Variants in LMTK2 observed in about 807,000 individuals in gnomAD.
The protein encoded by LMTK2 is lemur tail kinase 2, also known as serine/threonine-protein kinase LMTK2.
Under a neutral mutation model 127.5 loss-of-function variants are expected in LMTK2, and 37 were observed. The ratio of observed to expected loss-of-function variants is 0.29; its 90% CI spans 0.22 to 0.38. LMTK2 has a LOEUF of 0.38. Ranked by LOEUF, LMTK2 falls within the 10% of genes least tolerant of loss-of-function variation. The pLI is 1.00. For missense variants in LMTK2, 1,694 were observed against 1,920.3 expected, an observed-to-expected ratio of 0.88 and a Z score of 2.20; for synonymous variants, 819 against 810.1, an observed-to-expected ratio of 1.01 and a Z score of -0.19.
intron 11 of LMTK2, among the ~76,000 whole-genome samples, chr7:98,198,593 G>A (rs1183559985): frequency 6.6e-6 from 1 of 151,980 alleles, no homozygotes; most frequent in East Asian, 1.9e-4. Context: ...AGGCTCAAGG[G>A]ATTCTCCTGC....
intron 5 of LMTK2, among the ~76,000 whole-genome samples, chr7:98,156,553 G>T (rs905407791): frequency 2.6e-5 from 4 of 152,046 alleles, no homozygotes; most frequent in Admixed American, 1.3e-4. Flanking sequence ...TACATTGCTT[G>T]TGGAAATGTA....
chr7:98,170,725 C>T (rs1797170657), intron 6 of LMTK2, among the ~76,000 whole-genome samples: 1 of 152,010 alleles, frequency 6.6e-6, no homozygotes, highest in South Asian at 2.1e-4. Flanking sequence ...AGATTTTATT[C>T]CCTCAGAAGG....
chr7:98,139,806 G>C (rs1015009776), intron 2 of LMTK2, among the ~76,000 whole-genome samples: 1 of 152,168 alleles, frequency 6.6e-6, no homozygotes, highest in Admixed American at 6.5e-5. Flanking sequence ...TTGGATGGGG[G>C]CTAGGAGAGG....
At chr7:98,174,912 A>G (rs920937517) in intron 7 of LMTK2, among the ~76,000 whole-genome samples, 5 of 152,208 alleles carry the variant, frequency 3.3e-5, no homozygotes, top group Admixed American at 2.0e-4. Context: ...CCGCCCCAGC[A>G]GGAGAGTGGA....
intron 3 of LMTK2, among the ~76,000 whole-genome samples, chr7:98,144,446 G>A (rs1035923555): frequency 2.7e-5 from 4 of 149,918 alleles, no homozygotes; most frequent in Non-Finnish European, 4.5e-5. Flanking sequence ...AAAAAAAAAA[G>A]AAAGAAAAAA....
rs1210631896 is a variant in LMTK2, at chr7:98,205,778, A to G, written c.*286A>G. 10 of 534,194 alleles carry G rather than the reference A, an allele frequency of 1.9e-5. No homozygotes were observed. Among genetic ancestry groups the G allele is most frequent in the Middle Eastern group, 5.0e-4 (1 of 2,008 alleles). 33.1% of individuals were successfully genotyped at this position (534,194 alleles called of 1,614,324 possible). On this transcript the variant is annotated 3_prime_UTR_variant, in exon 14 of 14. Coordinates refer to ENST00000297293, the MANE Select transcript of LMTK2 (RefSeq NM_014916.4). Reference sequence around the variant, plus strand: ...TCATGCGCTGGCCGTCGGGGGAGGCAGGGGCACAGCCTCCATGTGCGCGCG... The same window carrying G: ...TCATGCGCTGGCCGTCGGGGGAGGCGGGGGCACAGCCTCCATGTGCGCGCG...
At chr7:98,142,165 A>AAAGAAGTAGGTTC (rs1796708727) in intron 3 of LMTK2, among the ~76,000 whole-genome samples, 1 of 152,196 alleles carries the variant, frequency 6.6e-6, no homozygotes, top group Non-Finnish European at 1.5e-5. Flanking sequence ...TGCTTTGACC[A>AAAGAAGTAGGTTC]AAGAAGTAGG....
chr7:98,174,871 T>C (rs1797252975), intron 7 of LMTK2, among the ~76,000 whole-genome samples: 1 of 152,136 alleles, frequency 6.6e-6, no homozygotes, highest in Non-Finnish European at 1.5e-5. Flanking sequence ...ACATTTAAAA[T>C]CAAAGCAAAG....
chr7:98,154,646 G>A (rs10499943), intron 4 of LMTK2, 112 bp from the exon 5 acceptor site: 39,658 of 680,748 alleles, frequency 0.058, 3,660 homozygotes, highest in East Asian at 0.33. Flanking sequence ...AGAATAGAAG[G>A]TCACCTGCTT....
rs1168561831 is a variant in LMTK2 at position 98,137,526 on chromosome 7, A to G, written c.231+84A>G. ...AACTGGATAGCACAGTCCTTTGGGA[A>G]CAGGATCAGCAGATTTTTTTTCTTC... On this transcript the variant is annotated intron_variant, in intron 2 of 13. Transcript: ENST00000297293. 4 of 1,349,980 alleles carry G rather than the reference A, an allele frequency of 3.0e-6. No homozygotes were observed. The African/African-American group carries it at 4.5e-5, about 15-fold the overall frequency. 83.6% of individuals were successfully genotyped at this position (1,349,980 alleles called of 1,614,324 possible).
chr7:98,190,057 T>A (rs1797499030), intron 9 of LMTK2, among the ~76,000 whole-genome samples: 1 of 152,234 alleles, frequency 6.6e-6, no homozygotes. Context: ...CCAGCAATTC[T>A]GCCAAATTTT....
At chr7:98,177,475 C>G (rs1018503861) in intron 7 of LMTK2, among the ~76,000 whole-genome samples, 1 of 152,152 alleles carries the variant, frequency 6.6e-6, no homozygotes, top group African/African-American at 2.4e-5. Context: ...AATTCCCATT[C>G]GAATCTGAAC....
Position 98,204,263 on chromosome 7 carries a change from G to T in LMTK2, c.4483+77G>T, listed in dbSNP as rs1352762586. 9.7e-6 allele frequency: 15 copies of T among 1,547,248 alleles called. No homozygotes were observed. In the East Asian group the frequency reaches 3.2e-4, roughly 33 times the overall value. Reference sequence around the variant, plus strand: ...GCTGCAGCTGGGAGATGGTGGTTTTGCAGGCCTGATAATCTCATGTCTTCT... The same window carrying T: ...GCTGCAGCTGGGAGATGGTGGTTTTTCAGGCCTGATAATCTCATGTCTTCT... On this transcript the variant is annotated intron_variant, in intron 13 of 13. Transcript: ENST00000297293.
At chr7:98,205,000 A>C (rs1797768172) in intron 13 of LMTK2, among the ~76,000 whole-genome samples, 1 of 152,206 alleles carries the variant, frequency 6.6e-6, no homozygotes, top group South Asian at 2.1e-4. Flanking sequence ...GTGAATGGGC[A>C]GGGGCCATTT....
chr7:98,193,592 A>T lies in LMTK2; in HGVS notation c.3127A>T (p.Thr1043Ser), dbSNP rs1376328971. The T allele has an allele frequency of 6.2e-7, 1 of 1,613,848 alleles. No homozygotes were observed. Among genetic ancestry groups the T allele is most frequent in the Admixed American group, 1.7e-5 (1 of 59,992 alleles). The change falls in exon 11 of 14, where the codon ACC (threonine) becomes TCC (serine). Residue 1043 changes from threonine to serine, a missense_variant. Transcript: ENST00000297293. This position sits in a 1 kb window ranked among gnomAD's most constrained non-coding sequence, Gnocchi z 4.1. ...AGAGAACTTGGAGTCTCCCGAGTGG[A>T]CCTTGCATCCCGCTCCCGAGGGCAC... ...ETENLESPEW[T>S]LHPAPEGTAD...
chr7:98,152,787 G>T (rs1292559508), intron 4 of LMTK2, among the ~76,000 whole-genome samples: 1 of 152,160 alleles, frequency 6.6e-6, no homozygotes, highest in Non-Finnish European at 1.5e-5. Flanking sequence ...GATCACTCTG[G>T]AAGTCATAGA....
chr7:98,126,964 T>C (rs1796453679), intron 1 of LMTK2, among the ~76,000 whole-genome samples: 1 of 152,218 alleles, frequency 6.6e-6, no homozygotes, highest in Non-Finnish European at 1.5e-5. Flanking sequence ...ATCAGTGCAC[T>C]CTTTACTGTT....
intron 6 of LMTK2, among the ~76,000 whole-genome samples, chr7:98,169,824 C>T (rs1305090884): frequency 6.6e-6 from 1 of 151,926 alleles, no homozygotes; most frequent in Admixed American, 6.6e-5. Context: ...AAAAAGTTTT[C>T]TCTTTCTCCT....
chr7:98,147,579 T>G (rs1352322439), intron 3 of LMTK2, among the ~76,000 whole-genome samples: 2 of 151,980 alleles, frequency 1.3e-5, no homozygotes, highest in African/African-American at 2.4e-5. Flanking sequence ...CTCTGTTTCC[T>G]TTTCTTTCTC....
Sources: gnomAD v4.1 joint callset for allele counts (sites outside exome capture counted in the v4.1 genomes callset) on GRCh38, gnomAD v4.1.1 for gene constraint, Gnocchi (gnomAD v3.1) non-coding constraint, MANE v1.5 for transcripts, NCBI Gene and HGNC (gene_info 2026-07-23, HGNC 2026-07-21) for gene names.